THRA: variants seen among roughly 807,000 people sequenced by gnomAD.
THRA encodes the protein EAR-7.
THRA carries 13 observed loss-of-function variants against 45.0 expected under a neutral mutation model. The ratio of observed to expected loss-of-function variants is 0.29; its 90% CI spans 0.19 to 0.46. The LOEUF (loss-of-function observed/expected upper bound fraction) is 0.46, where lower values mean the gene tolerates loss of function less well. Ranked by LOEUF, THRA falls within the 20% of genes least tolerant of loss-of-function variation. THRA has a pLI of 1.00. For synonymous variants in THRA, 195 were observed against 214.0 expected (o/e 0.91, Z 0.78); for missense variants, 278 against 556.1 (o/e 0.50, Z 5.03).
At chr17:40,086,900 A>G (rs1987338388) in intron 7 of THRA, 47 bp downstream of exon 7, 1 of 1,608,420 alleles carries the variant, frequency 6.2e-7, no homozygotes, top group South Asian at 1.1e-5. Context: ...CTGGAGGGAA[A>G]CCTGCTCCCC....
downstream of THRA, chr17:40,093,286 T>C: frequency 6.2e-7 from 1 of 1,613,534 alleles, no homozygotes; most frequent in Non-Finnish European, 8.5e-7. The surrounding 1 kb of genome is among the most constrained non-coding windows in gnomAD (Gnocchi z 5.9). Context: ...GAGCGGTCTG[T>C]GGGGAAGACG....
chr17:40,062,873 G>A (rs1986404187), upstream of THRA: 1 of 147,754 alleles, frequency 6.8e-6, no homozygotes, highest in Admixed American at 6.7e-5. Flanking sequence ...CCCAGCCGGA[G>A]CGGGGCGGGG....
chr17:40,081,420 C>G (rs1441260700), intron 4 of THRA, among the ~76,000 whole-genome samples: 2 of 151,988 alleles, frequency 1.3e-5, no homozygotes, highest in Non-Finnish European at 2.9e-5. Flanking sequence ...GCCACAACCC[C>G]TGGCCAATTT....
At chr17:40,077,648 C>T in intron 4 of THRA, 40 bp downstream of exon 4, 1 of 1,538,994 alleles carries the variant, frequency 6.5e-7, no homozygotes, top group South Asian at 1.1e-5. Context: ...GCCACCTGAG[C>T]CCCCATATTA....
At chr17:40,086,632 C>A in intron 6 of THRA, 75 bp from the exon 7 acceptor site, 2 of 1,562,012 alleles carry the variant, frequency 1.3e-6, no homozygotes, top group South Asian at 1.2e-5. Flanking sequence ...TGGAGCTCCC[C>A]CTGGTGGGCA....
chr17:40,076,732 C>A lies in THRA; in HGVS notation c.54-139C>A, dbSNP rs1598392261. The A allele has an allele frequency of 6.0e-5, 50 of 827,868 alleles. No homozygotes were observed. The South Asian group carries it at 8.5e-4, about 14-fold the overall frequency. The allele number at this position is 827,868 out of a possible 1,614,324, so 51.3% of individuals were successfully genotyped here. A position where few individuals can be genotyped will look rare whatever the true frequency, so the allele number is the denominator to read the frequency against. ...ACTGGACCCTTTTAAGCATTGTCAGCTGACCCTGGGGGGTGGGAGGTAGAA... is the reference window on the plus strand; with the variant it reads ...ACTGGACCCTTTTAAGCATTGTCAGATGACCCTGGGGGGTGGGAGGTAGAA... On this transcript the variant is annotated intron_variant, in intron 2 of 8. Transcript: ENST00000450525.
rs750768397 is a variant in THRA at position 40,089,480 on chromosome 17, G to A, written c.*24G>A. On this transcript the variant is annotated 3_prime_UTR_variant, in exon 9 of 9. Transcript: ENST00000450525. This position sits in a 1 kb window ranked among gnomAD's most constrained non-coding sequence, Gnocchi z 6.1. ...AAAGCCTCAGGCGGCCAGAGGGTGT[G>A]CGGAGCTGGTGGGGAGGAGCCTGGA... 1 of 1,611,740 alleles carries A rather than the reference G, an allele frequency of 6.2e-7. No homozygotes were observed. The highest frequency in any genetic ancestry group is 1.1e-5 in the South Asian group (1 of 90,848).
At chr17:40,072,416 G>T (rs1263083459) in intron 1 of THRA, among the ~76,000 whole-genome samples, 2 of 152,126 alleles carry the variant, frequency 1.3e-5, no homozygotes, top group East Asian at 3.9e-4. Flanking sequence ...CCCTGGGGGC[G>T]CTTGGGCCTC....
intron 7 of THRA, 118 bp downstream of exon 7, chr17:40,086,971 A>G (rs867290001): frequency 5.8e-6 from 8 of 1,376,820 alleles, no homozygotes; most frequent in African/African-American, 4.3e-5. Context: ...CTGTAGGTCA[A>G]CATACACAGA....
chr17:40,065,131 A>C (rs1160804030), intron 1 of THRA, among the ~76,000 whole-genome samples: 1 of 151,810 alleles, frequency 6.6e-6, no homozygotes, highest in African/African-American at 2.4e-5. Context: ...GGGCCGAGTC[A>C]TGGGCTCAAA....
chr17:40,071,786 G>C (rs1365076327), intron 1 of THRA, among the ~76,000 whole-genome samples: 1 of 152,178 alleles, frequency 6.6e-6, no homozygotes, highest in Non-Finnish European at 1.5e-5. Context: ...AGGCTCATGT[G>C]GTATGTGTCT....
chr17:40,081,167 G>A (rs1263808221), intron 4 of THRA, among the ~76,000 whole-genome samples: 1 of 152,194 alleles, frequency 6.6e-6, no homozygotes, highest in Non-Finnish European at 1.5e-5. Context: ...TTCCTTGTCT[G>A]CAAAGTGGAG....
At chr17:40,080,366 T>C (rs58130885) in intron 4 of THRA, among the ~76,000 whole-genome samples, 1 of 149,518 alleles carries the variant, frequency 6.7e-6, no homozygotes, top group Non-Finnish European at 1.5e-5. Context: ...GATTAAGCCA[T>C]TGCACTCCAG....
intron 4 of THRA, among the ~76,000 whole-genome samples, chr17:40,080,066 T>TA (rs1158316563): frequency 6.6e-6 from 1 of 150,388 alleles, no homozygotes; most frequent in Non-Finnish European, 1.5e-5. Flanking sequence ...GACAGAGTGA[T>TA]ACTCTGTCTC....
intron 7 of THRA, 149 bp from the exon 8 acceptor site, chr17:40,088,093 A>T: frequency 9.7e-7 from 1 of 1,035,288 alleles, no homozygotes; most frequent in Non-Finnish European, 1.4e-6. Context: ...TAAATGGAAT[A>T]GGGCATGCAC....
chr17:40,085,775 C>T (rs1987302136), intron 6 of THRA, among the ~76,000 whole-genome samples: 1 of 151,742 alleles, frequency 6.6e-6, no homozygotes, highest in Non-Finnish European at 1.5e-5. Flanking sequence ...TCCCAAATAG[C>T]TGGGATTACA....
At chr17:40,066,235 C>G (rs1369737688) in intron 1 of THRA, among the ~76,000 whole-genome samples, 2 of 152,142 alleles carry the variant, frequency 1.3e-5, no homozygotes, top group Non-Finnish European at 2.9e-5. Context: ...CCCGGGGGCA[C>G]CAAGCACTTC....
At position 40,092,842 on chromosome 17, in the gene THRA, C is replaced by G. The variant is rs1051481979; in HGVS notation, c.*3386C>G. ...GACAGGAACAGAACAAATCAGAGGG[C>G]CAGGGGAGGGTTGTGGGGGAGACAG... On this transcript the variant is annotated 3_prime_UTR_variant, in exon 9 of 9. Transcript: ENST00000450525. The G allele has an allele frequency of 2.3e-6, 2 of 879,334 alleles. No homozygotes were observed. The highest frequency in any genetic ancestry group is 3.4e-5 in the African/African-American group (2 of 58,264). The allele number at this position is 879,334 out of a possible 1,614,324, so 54.5% of individuals were successfully genotyped here.
At chr17:40,079,123 A>G (rs1448322922) in intron 4 of THRA, among the ~76,000 whole-genome samples, 1 of 151,992 alleles carries the variant, frequency 6.6e-6, no homozygotes, top group Non-Finnish European at 1.5e-5. Flanking sequence ...TTTCCCATGC[A>G]CCTGAAAGAG....
Sources: allele counts gnomAD v4.1 joint callset (sites outside exome capture counted in the v4.1 genomes callset), GRCh38; gene constraint gnomAD v4.1.1; non-coding constraint Gnocchi (gnomAD v3.1); transcripts MANE v1.5; gene names NCBI Gene and HGNC (gene_info 2026-07-23, HGNC 2026-07-21).